The following EPB41L1 variants were observed in gnomAD, a reference collection of about 807,000 sequenced individuals.
The protein encoded by EPB41L1 is erythrocyte membrane protein band 4.1 like 1.
A neutral mutation model predicts 97.8 loss-of-function variants in EPB41L1; 29 were observed. The observed-to-expected ratio is 0.30, with a 90% CI of 0.22 to 0.40. EPB41L1 has a LOEUF of 0.40. Among genes scored for constraint, EPB41L1 ranks in the 10% least tolerant of loss-of-function variants. The pLI is 1.00. For synonymous variants in EPB41L1, 383 were observed against 459.2 expected, an observed-to-expected ratio of 0.83 and a Z score of 2.12; for missense variants, 812 against 1,162.3, an observed-to-expected ratio of 0.70 and a Z score of 4.38.
At position 36,209,408 on chromosome 20, in the gene EPB41L1, T is replaced by C; in HGVS notation, c.1669-80T>C. On this transcript the variant is annotated intron_variant, in intron 14 of 21. Coordinates refer to ENST00000338074, the MANE Select transcript of EPB41L1 (RefSeq NM_012156.2). This position sits in a 1 kb window ranked among gnomAD's most constrained non-coding sequence, Gnocchi z 4.2. ...GTCGACACAGCCCCGAGATTTCTCC[T>C]GACATTCACCATCTTGATTTCTCTT... 2.7e-6 allele frequency: 4 copies of C among 1,462,946 alleles called. No homozygotes were observed. Among genetic ancestry groups the C allele is most frequent in the Non-Finnish European group, 3.7e-6 (4 of 1,081,354 alleles). The allele number at this position is 1,462,946 out of a possible 1,614,324, so 90.6% of individuals were successfully genotyped here.
At chr20:36,099,553 G>GAGCCCAGCCC (rs949423584) in intron 1 of EPB41L1, among the ~76,000 whole-genome samples, 2 of 152,036 alleles carry the variant, frequency 1.3e-5, no homozygotes, top group South Asian at 4.1e-4. Context: ...ATTCTCCTCA[G>GAGCCCAGCCC]AGCCCAGCCC....
intron 19 of EPB41L1, among the ~76,000 whole-genome samples, chr20:36,220,877 A>G (rs1285340960): frequency 6.6e-6 from 1 of 152,206 alleles, no homozygotes; most frequent in Non-Finnish European, 1.5e-5. Flanking sequence ...TGGAGCAGCC[A>G]GGTTGATGAG....
At chr20:36,217,016 G>A (rs73103408) in intron 17 of EPB41L1, among the ~76,000 whole-genome samples, 30,796 of 152,054 alleles carry the variant, frequency 0.2, 3,214 homozygotes, top group Middle Eastern at 0.28. Flanking sequence ...CTATTGACTC[G>A]GAAACTCTAG....
chr20:36,114,262 A>T (rs924779976), intron 2 of EPB41L1, among the ~76,000 whole-genome samples: 1 of 152,176 alleles, frequency 6.6e-6, no homozygotes, highest in Non-Finnish European at 1.5e-5. Flanking sequence ...TTTGTAGCAG[A>T]ACTTGTCTGG....
At position 36,092,631 on chromosome 20, in the gene EPB41L1, G is replaced by A. The variant is rs2057689884; in HGVS notation, c.-65+1019G>A. 6.6e-6 allele frequency: 1 copy of A among 151,742 alleles called. No homozygotes were observed. Among genetic ancestry groups the A allele is most frequent in the African/African-American group, 2.4e-5 (1 of 41,366 alleles). 9.4% of individuals were successfully genotyped at this position (151,742 alleles called of 1,614,324 possible). ...CGGCCGGGGCGGGGCGGAGCGGCGA[G>A]AGGGGGTGTGGGGGGCGGGCGAGGA... On this transcript the variant is annotated intron_variant, in intron 1 of 19. Transcript: ENST00000202028. The surrounding 1 kb of genome is among the most constrained non-coding windows in gnomAD (Gnocchi z 7.0).
intron 2 of EPB41L1, among the ~76,000 whole-genome samples, chr20:36,130,494 C>T (rs1327355818): frequency 2.6e-5 from 4 of 152,110 alleles, no homozygotes; most frequent in African/African-American, 4.8e-5. Flanking sequence ...ATTAAATACA[C>T]GATCAACTCA....
rs558081076 is a variant in EPB41L1, at chr20:36,190,628, G to A, written c.1131G>A (p.Val377=). The part of the protein sequence containing the change: ...CIEHHTFFRL[V]SPEPPPKGFL... ...CTGCATCCCTCTGCTGCAGGCTGGT[G>A]TCCCCTGAGCCCCCACCCAAGGGCT... The change falls in exon 11 of 22, where the codon GTG becomes GTA. Residue 377 remains valine, a synonymous_variant. Transcript: ENST00000338074. This position sits in a 1 kb window ranked among gnomAD's most constrained non-coding sequence, Gnocchi z 5.8. 6 of 1,613,896 alleles carry A rather than the reference G, an allele frequency of 3.7e-6. No homozygotes were observed. The highest frequency in any genetic ancestry group is 3.3e-5 in the South Asian group (3 of 91,074).
chr20:36,197,216 GA>G (rs2062250449), intron 13 of EPB41L1, among the ~76,000 whole-genome samples: 1 of 152,066 alleles, frequency 6.6e-6, no homozygotes, highest in Admixed American at 6.5e-5. Context: ...CCTAGTGTGG[GA>G]GCTTGGCCAT....
Position 36,209,616 on chromosome 20 carries a change from G to A in EPB41L1, c.1797G>A (p.Leu599=). The A allele has an allele frequency of 6.2e-7, 1 of 1,614,188 alleles. No homozygotes were observed. Among genetic ancestry groups the A allele is most frequent in the Non-Finnish European group, 8.5e-7 (1 of 1,180,050 alleles). ...CGGTGTTCCTGAAGGACAACCACCTGGCCATTGAGCGCAAGTGCTCCAGCA... is the reference window on the plus strand; with the variant it reads ...CGGTGTTCCTGAAGGACAACCACCTAGCCATTGAGCGCAAGTGCTCCAGCA... ...RDTVFLKDNH[L]AIERKCSSIT... is the part of the protein sequence containing the mutation. Residue 599 remains leucine, a synonymous_variant, in exon 15 of 22, where the codon CTG becomes CTA. Coordinates refer to ENST00000338074, the MANE Select transcript of EPB41L1 (RefSeq NM_012156.2). This position sits in a 1 kb window ranked among gnomAD's most constrained non-coding sequence, Gnocchi z 4.2.
At chr20:36,177,804 G>C in intron 3 of EPB41L1, 148 bp from the exon 4 acceptor site, 2 of 703,390 alleles carry the variant, frequency 2.8e-6, no homozygotes, top group Non-Finnish European at 5.1e-6. Context: ...AGAGGGCAGA[G>C]CCAAGTGGGT....
intron 1 of EPB41L1, among the ~76,000 whole-genome samples, chr20:36,102,955 C>G (rs2058064090): frequency 6.6e-6 from 1 of 152,162 alleles, no homozygotes; most frequent in Non-Finnish European, 1.5e-5. Flanking sequence ...TATGTCTTTG[C>G]CCTAGCTCCC....
At position 36,212,433 on chromosome 20, in the gene EPB41L1, G is replaced by T; in HGVS notation, c.2184+57G>T. 2.0e-6 allele frequency: 3 copies of T among 1,488,788 alleles called. No individual in the cohort carries two copies. In the South Asian group the frequency reaches 3.4e-5, roughly 17 times the overall value. 92.2% of individuals were successfully genotyped at this position (1,488,788 alleles called of 1,614,324 possible). A position where few individuals can be genotyped will look rare whatever the true frequency, so the allele number is the denominator to read the frequency against. ...TGGGTATTGGGCATTTGGTGGTAGG[G>T]TCCCCACTGCTGTGGCCAAACCCCT... On this transcript the variant is annotated intron_variant, in intron 16 of 21. Transcript: ENST00000338074. The surrounding 1 kb of genome is among the most constrained non-coding windows in gnomAD (Gnocchi z 4.8).
In EPB41L1 at chr20:36,190,901, T is replaced by C; in HGVS notation, c.1300+104T>C. 6.8e-7 allele frequency: 1 copy of C among 1,467,714 alleles called. No homozygotes were observed. The highest frequency in any genetic ancestry group is 9.3e-7 in the Non-Finnish European group (1 of 1,079,562). The allele number at this position is 1,467,714 out of a possible 1,614,324, so 90.9% of individuals were successfully genotyped here. ...AATGAGCAGGAAAATGGTAGATGCATCCCAAGTTCATCTGCACCAGGCTGG... is the reference window on the plus strand; with the variant it reads ...AATGAGCAGGAAAATGGTAGATGCACCCCAAGTTCATCTGCACCAGGCTGG... On this transcript the variant is annotated intron_variant, in intron 11 of 21. Transcript: ENST00000338074. The surrounding 1 kb of genome is among the most constrained non-coding windows in gnomAD (Gnocchi z 5.8).
intron 2 of EPB41L1, among the ~76,000 whole-genome samples, chr20:36,138,744 C>A (rs1257691978): frequency 6.6e-6 from 1 of 152,202 alleles, no homozygotes; most frequent in Non-Finnish European, 1.5e-5. Context: ...CTCAAAGTCT[C>A]ACAGCTAGGA....
chr20:36,232,725 C>T lies in EPB41L1; in HGVS notation c.*3385C>T, dbSNP rs1046383. 0.19 allele frequency: 77,274 copies of T among 398,634 alleles called. 7,721 individuals are homozygous for T. Among genetic ancestry groups the T allele is most frequent in the South Asian group, 0.24 (1,870 of 7,816 alleles). The allele number at this position is 398,634 out of a possible 1,614,324, so 24.7% of individuals were successfully genotyped here. On this transcript the variant is annotated 3_prime_UTR_variant, in exon 22 of 22. Coordinates refer to ENST00000338074, the MANE Select transcript of EPB41L1 (RefSeq NM_012156.2). Reference sequence around the variant, plus strand: ...CCCATGCTCCCCCACCTCAGTGCTCCGTGCTGTATGCGTGTGCTCTCTGTT... The same window carrying T: ...CCCATGCTCCCCCACCTCAGTGCTCTGTGCTGTATGCGTGTGCTCTCTGTT...
At chr20:36,176,682 T>A (rs1253857408) in intron 3 of EPB41L1, among the ~76,000 whole-genome samples, 1 of 150,238 alleles carries the variant, frequency 6.7e-6, no homozygotes, top group Non-Finnish European at 1.5e-5. Flanking sequence ...CCCAGGCTGG[T>A]GTGCAGTGGT....
At chr20:36,166,584 T>C (rs138780830) in intron 1 of EPB41L1, among the ~76,000 whole-genome samples, 262 of 152,272 alleles carry the variant, frequency 1.7e-3, no homozygotes, top group African/African-American at 6.1e-3. Context: ...TTGTGATAAT[T>C]ACTGTGAAAA....
chr20:36,196,415 C>T (rs554556713), intron 13 of EPB41L1, among the ~76,000 whole-genome samples: 1 of 152,330 alleles, frequency 6.6e-6, no homozygotes, highest in African/African-American at 2.4e-5. Flanking sequence ...AGCCACATCT[C>T]AGGTTGGGAC....
chr20:36,156,827 G>A (rs150919298), intron 1 of EPB41L1, among the ~76,000 whole-genome samples: 1 of 152,274 alleles, frequency 6.6e-6, no homozygotes, highest in East Asian at 1.9e-4. Flanking sequence ...GCCTCCAGGG[G>A]GCAACAGAGA....
Sources: allele counts gnomAD v4.1 joint callset (sites outside exome capture counted in the v4.1 genomes callset), GRCh38; gene constraint gnomAD v4.1.1; non-coding constraint Gnocchi (gnomAD v3.1); transcripts MANE v1.5; gene names NCBI Gene and HGNC (gene_info 2026-07-23, HGNC 2026-07-21).